The following RGS5 variants were observed in gnomAD, a reference collection of about 807,000 sequenced individuals.
The protein encoded by RGS5 is regulator of G protein signaling 5, also known as regulator of G-protein signalling 5.
In RGS5, 20 loss-of-function variants were observed where a neutral mutation model predicts 18.9. That is an observed-to-expected ratio of 1.06 (90% CI 0.74 to 1.54). The LOEUF (loss-of-function observed/expected upper bound fraction) is 1.54, where lower values mean the gene tolerates loss of function less well. Ranked by LOEUF, RGS5 falls within the 40% of genes most tolerant of loss-of-function variation. The probability of loss-of-function intolerance (pLI) is 0.00; values close to 1 mark genes in which losing one functional copy is unlikely to be tolerated. For synonymous variants in RGS5, 57 were observed against 76.2 expected (o/e 0.75, Z 1.31); for missense variants, 201 against 211.8 (o/e 0.95, Z 0.32).
intron 2 of RGS5, among the ~76,000 whole-genome samples, chr1:163,242,442 G>C (rs921687853): frequency 1.3e-5 from 2 of 152,190 alleles, no homozygotes; most frequent in Non-Finnish European, 2.9e-5. Flanking sequence ...AGGTGGAAGA[G>C]AGTTGTGAGA....
chr1:163,241,764 G>A (rs151080223), intron 2 of RGS5, among the ~76,000 whole-genome samples: 41 of 152,192 alleles, frequency 2.7e-4, no homozygotes, highest in African/African-American at 6.3e-4. Context: ...ACAGATATTC[G>A]TGTATAAAAA....
intron 2 of RGS5, among the ~76,000 whole-genome samples, chr1:163,295,670 A>G (rs1045468861): frequency 1.4e-4 from 22 of 152,018 alleles, no homozygotes; most frequent in Admixed American, 1.3e-3. Flanking sequence ...TACTTTTTCT[A>G]CCATCTGTTT....
intron 2 of RGS5, among the ~76,000 whole-genome samples, chr1:163,281,732 T>C (rs1255856440): frequency 6.6e-6 from 1 of 152,078 alleles, no homozygotes; most frequent in East Asian, 1.9e-4. Context: ...CATTGACTAA[T>C]CGAACAGCAT....
At chr1:163,247,203 C>A (rs941791939) in intron 2 of RGS5, among the ~76,000 whole-genome samples, 5 of 152,138 alleles carry the variant, frequency 3.3e-5, no homozygotes, top group Non-Finnish European at 5.9e-5. Flanking sequence ...ATCCACGTAA[C>A]AAATCTGCAC....
At chr1:163,310,871 G>T (rs1010307853) in intron 1 of RGS5, among the ~76,000 whole-genome samples, 1 of 152,074 alleles carries the variant, frequency 6.6e-6, no homozygotes, top group Non-Finnish European at 1.5e-5. Context: ...CAATCATGGC[G>T]GAATGCAAAG....
chr1:163,161,699 C>T (rs1657803504), intron 3 of RGS5: 1 of 471,936 alleles, frequency 2.1e-6, no homozygotes, highest in Non-Finnish European at 3.9e-6. Flanking sequence ...GTCTTCAGAA[C>T]ACCTTATGTT....
At chr1:163,221,788 T>A (rs2101678489), upstream of RGS5, among the ~76,000 whole-genome samples, 1 of 152,294 alleles carries the variant, frequency 6.6e-6, no homozygotes, top group African/African-American at 2.4e-5. Flanking sequence ...TAATCTACAG[T>A]CATTCTCTAA....
intron 2 of RGS5, chr1:163,237,157 T>C (rs1189488797): frequency 6.6e-6 from 1 of 152,454 alleles, no homozygotes; most frequent in Non-Finnish European, 1.5e-5. Context: ...TTGAAGGGAA[T>C]GAAACATGGA....
chr1:163,276,702 C>T (rs1648866974), intron 2 of RGS5, among the ~76,000 whole-genome samples: 1 of 152,190 alleles, frequency 6.6e-6, no homozygotes, highest in Admixed American at 6.5e-5. Context: ...TGGCCGTAAG[C>T]ATCCCAACAA....
rs141114659 is a variant in RGS5 at position 163,295,813 on chromosome 1, G to T, written c.-281+10420C>A. Among the ~76,000 whole-genome samples the T allele has an allele frequency of 2.4e-3, 361 of 152,252 alleles. 4 individuals carry two copies. The highest frequency in any genetic ancestry group is 4.0e-3 in the Non-Finnish European group (270 of 68,002). ...TTGATATTGTGAATCTTCAAGTGAGGCTTTGAAGCCTTAATTTCTTCAAAA... is the reference window on the plus strand; with the variant it reads ...TTGATATTGTGAATCTTCAAGTGAGTCTTTGAAGCCTTAATTTCTTCAAAA... On this transcript the variant is annotated intron_variant, in intron 2 of 5. Coordinates refer to the RGS5 transcript ENST00000618415.
chr1:163,223,659 C>G (rs1015632573), intron 2 of RGS5, among the ~76,000 whole-genome samples: 13 of 152,144 alleles, frequency 8.5e-5, no homozygotes, highest in African/African-American at 2.9e-4. Context: ...CTACTTCCAG[C>G]TATACTCTAG....
chr1:163,298,722 C>A (rs1030108891), intron 2 of RGS5, among the ~76,000 whole-genome samples: 2 of 152,064 alleles, frequency 1.3e-5, no homozygotes, highest in African/African-American at 4.8e-5. Context: ...AGGGAGGATA[C>A]CTATGACAAT....
At chr1:163,309,411 A>C (rs1358888990) in intron 1 of RGS5, among the ~76,000 whole-genome samples, 2 of 152,226 alleles carry the variant, frequency 1.3e-5, no homozygotes, top group Non-Finnish European at 2.9e-5. Flanking sequence ...CTTTATCAAC[A>C]AAGTTTTGTA....
intron 1 of RGS5, among the ~76,000 whole-genome samples, chr1:163,215,944 T>G (rs892374674): frequency 6.6e-6 from 1 of 151,844 alleles, no homozygotes; most frequent in East Asian, 1.9e-4. Flanking sequence ...AATAAAAATT[T>G]TATACACACT....
chr1:163,212,417 GA>G (rs1391561555), intron 1 of RGS5: 1 of 152,210 alleles, frequency 6.6e-6, no homozygotes, highest in African/African-American at 2.4e-5. Context: ...GCATTGCCTG[GA>G]AATATTGTCT....
intron 2 of RGS5, among the ~76,000 whole-genome samples, chr1:163,286,498 T>C (rs1432104206): frequency 2.0e-5 from 3 of 152,158 alleles, no homozygotes; most frequent in African/African-American, 4.8e-5. Context: ...TTTATCTTTT[T>C]CTTATTATTT....
intron 2 of RGS5, among the ~76,000 whole-genome samples, chr1:163,274,864 C>T (rs921257670): frequency 2.0e-5 from 3 of 152,160 alleles, no homozygotes; most frequent in Admixed American, 1.3e-4. Context: ...CACTTGTAAT[C>T]CCAACACTTT....
intron 2 of RGS5, among the ~76,000 whole-genome samples, chr1:163,231,025 CAA>C (rs1647467316): frequency 6.6e-6 from 1 of 152,152 alleles, no homozygotes; most frequent in Admixed American, 6.5e-5. Context: ...GTCTGACTGG[CAA>C]AGTCAAGTCA....
intron 1 of RGS5, among the ~76,000 whole-genome samples, chr1:163,313,320 A>G (rs2101651404): frequency 6.6e-6 from 1 of 152,378 alleles, no homozygotes; most frequent in South Asian, 2.1e-4. Flanking sequence ...GAAAATCTTC[A>G]GAAAAGCCCT....
Sources: allele counts gnomAD v4.1 joint callset (sites outside exome capture counted in the v4.1 genomes callset), GRCh38; gene constraint gnomAD v4.1.1; transcripts MANE v1.5; gene names NCBI Gene and HGNC (gene_info 2026-07-23, HGNC 2026-07-21).